SENP2: variants seen among roughly 807,000 people sequenced by gnomAD.
SENP2 encodes the protein SUMO specific peptidase 2.
SENP2 carries 16 observed loss-of-function variants against 86.3 expected under a neutral mutation model. The observed-to-expected ratio is 0.19, with a 90% CI of 0.13 to 0.28. SENP2 has a LOEUF of 0.28. Among genes scored for constraint, SENP2 ranks in the 10% least tolerant of loss-of-function variants. The pLI is 1.00. For missense variants in SENP2, 552 were observed against 703.0 expected (o/e 0.79, Z 2.43); for synonymous variants, 222 against 238.7 (o/e 0.93, Z 0.64).
intron 12 of SENP2, among the ~76,000 whole-genome samples, chr3:185,618,407 C>T (rs779494523): frequency 7.9e-5 from 12 of 152,290 alleles, no homozygotes; most frequent in Non-Finnish European, 1.6e-4. Context: ...CTGGTGGGTT[C>T]TTCCCCGAAC....
intron 5 of SENP2, 126 bp from the exon 6 acceptor site, chr3:185,606,204 C>T (rs1301048414): frequency 9.4e-6 from 7 of 744,034 alleles, no homozygotes; most frequent in Admixed American, 9.0e-5. Context: ...CATAATTGTA[C>T]TTGTCTGACT....
chr3:185,627,515 C>A (rs982153210), intron 16 of SENP2, among the ~76,000 whole-genome samples: 2 of 152,182 alleles, frequency 1.3e-5, no homozygotes, highest in Non-Finnish European at 2.9e-5. Flanking sequence ...TGGGTTCAAG[C>A]AATACTCCTG....
At chr3:185,623,650 C>T (rs981801279) in intron 14 of SENP2, among the ~76,000 whole-genome samples, 23 of 151,598 alleles carry the variant, frequency 1.5e-4, no homozygotes, top group Non-Finnish European at 3.4e-4. Flanking sequence ...CGGTGAAACC[C>T]CATCTCTACT....
chr3:185,621,736 T>G lies in SENP2; in HGVS notation c.1447-90T>G, dbSNP rs116646064. On this transcript the variant is annotated intron_variant, in intron 13 of 16. Coordinates refer to ENST00000296257, the MANE Select transcript of SENP2 (RefSeq NM_021627.3). ...TAAAAAATTTATATTGGTACATGTA[T>G]TTTTTAAAAGATGCTTTTATTTTTG... The G allele has an allele frequency of 1.3e-3, 1,004 of 764,052 alleles. 7 individuals are homozygous for G. The African/African-American group carries it at 0.015, about 12-fold the overall frequency. 47.3% of individuals were successfully genotyped at this position (764,052 alleles called of 1,614,324 possible).
Position 185,586,576 on chromosome 3 carries a change from C to T in SENP2, c.101+62C>T, listed in dbSNP as rs1010625080. The T allele has an allele frequency of 1.1e-5, 16 of 1,482,488 alleles. No individual in the cohort carries two copies. The highest frequency in any genetic ancestry group is 1.4e-5 in the Non-Finnish European group (15 of 1,072,082). The allele number at this position is 1,482,488 out of a possible 1,614,324, so 91.8% of individuals were successfully genotyped here. The stretch of plus-strand genomic sequence containing the variant: ...ACCCCCTCCCCCACAGCGGGCTCCT[C>T]GGCCGTGATAGCTTTGATTCAGCCA... On this transcript the variant is annotated intron_variant, in intron 1 of 16. Coordinates refer to ENST00000296257, the MANE Select transcript of SENP2 (RefSeq NM_021627.3). The surrounding 1 kb of genome is among the most constrained non-coding windows in gnomAD (Gnocchi z 4.3).
rs992903217 is a variant in SENP2, at chr3:185,630,224, G to A, written c.*380G>A. ...CACTCACTCGTTTGCAAACATAATG[G>A]GCAGTGGTCATTTACTGCTGCTCTT... is the stretch of plus-strand genomic sequence containing the variant. On this transcript the variant is annotated 3_prime_UTR_variant, in exon 17 of 17. Coordinates refer to ENST00000296257, the MANE Select transcript of SENP2 (RefSeq NM_021627.3). The A allele has an allele frequency of 2.2e-5, 4 of 180,448 alleles. No individual in the cohort carries two copies. The highest frequency in any genetic ancestry group is 3.6e-5 in the Non-Finnish European group (3 of 83,324). The allele number at this position is 180,448 out of a possible 1,614,324, so 11.2% of individuals were successfully genotyped here. A position where few individuals can be genotyped will look rare whatever the true frequency, so the allele number is the denominator to read the frequency against.
intron 16 of SENP2, among the ~76,000 whole-genome samples, chr3:185,628,150 A>ATTG (rs1712233206): frequency 6.6e-6 from 1 of 151,672 alleles, no homozygotes; most frequent in South Asian, 2.1e-4. Context: ...TATTATTATT[A>ATTG]TTTTGAGATG....
At chr3:185,614,836 C>A in intron 11 of SENP2, 96 bp downstream of exon 11, 2 of 1,179,118 alleles carry the variant, frequency 1.7e-6, no homozygotes, top group Non-Finnish European at 2.4e-6. Context: ...TTTCTCCAGG[C>A]TAGGGGTGAA....
At chr3:185,621,186 G>A (rs1445520594) in intron 13 of SENP2, among the ~76,000 whole-genome samples, 68 of 71,822 alleles carry the variant, frequency 9.5e-4, no homozygotes, top group East Asian at 2.0e-3. Context: ...AAGAGAGAGA[G>A]AAAGAAAGAA....
At chr3:185,596,717 T>A (rs1722185981) in intron 2 of SENP2, among the ~76,000 whole-genome samples, 1 of 152,196 alleles carries the variant, frequency 6.6e-6, no homozygotes, top group Non-Finnish European at 1.5e-5. Flanking sequence ...AGTATATTGT[T>A]ACCTGCCTGG....
chr3:185,587,986 G>A (rs1336986782), intron 1 of SENP2, among the ~76,000 whole-genome samples: 3 of 147,422 alleles, frequency 2.0e-5, no homozygotes, highest in African/African-American at 7.6e-5. Context: ...TGATCCACCC[G>A]CCTCAGCCTC....
At chr3:185,619,999 GTTGGTATTA>G (rs1711783927) in intron 13 of SENP2, among the ~76,000 whole-genome samples, 2 of 151,436 alleles carry the variant, frequency 1.3e-5, no homozygotes, top group Admixed American at 1.3e-4. Context: ...TTTTCAAAGT[GTTGGTATTA>G]CAGGTGTGAG....
chr3:185,600,798 C>T lies in SENP2; in HGVS notation c.392C>T (p.Pro131Leu). ...NKSPNGISDYPKIRVTVTRDQ... is the reference protein window; with the variant it reads ...NKSPNGISDYLKIRVTVTRDQ... ...TCTCCTAATGGAATAAGTGACTATC[C>T]AAAGATCAGAGTGACAGTTACCCGA... The change falls in exon 5 of 17, where the codon CCA becomes CTA. Residue 131 changes from proline (P) to leucine (L), a missense_variant. Pro to Leu is a moderately conservative substitution (Grantham distance 98). Around this residue, in one of 2 missense-constraint regions of SENP2, gnomAD observed 383 missense variants for 427.3 expected, o/e 0.90. Transcript: ENST00000296257. 6.2e-7 allele frequency: 1 copy of T among 1,610,728 alleles called. No homozygotes were observed. The highest frequency in any genetic ancestry group is 1.1e-5 in the South Asian group (1 of 90,954).
chr3:185,606,855 CACAG>C, intron 6 of SENP2: 1 of 477,844 alleles, frequency 2.1e-6, no homozygotes, highest in Non-Finnish European at 4.1e-6. Context: ...AAGGCACAGA[CACAG>C]AGTCAGACAG....
intron 14 of SENP2, among the ~76,000 whole-genome samples, chr3:185,622,525 CAAT>C: frequency 6.6e-6 from 1 of 152,032 alleles, no homozygotes; most frequent in East Asian, 1.9e-4. Flanking sequence ...TTGTTGCTAA[CAAT>C]AATATTGTTT....
intron 2 of SENP2, among the ~76,000 whole-genome samples, chr3:185,593,054 C>A (rs974816018): frequency 3.9e-5 from 6 of 152,170 alleles, no homozygotes; most frequent in Non-Finnish European, 4.4e-5. Context: ...ATTTTCAGCT[C>A]ATCGAGTCTC....
rs970970916 is a variant in SENP2 at position 185,632,118 on chromosome 3, T to C, written c.*2274T>C. 6.6e-6 allele frequency: 1 copy of C among 151,362 alleles called. No individual in the cohort carries two copies. The highest frequency in any genetic ancestry group is 2.1e-4 in the South Asian group (1 of 4,802). The allele number at this position is 151,362 out of a possible 1,614,324, so 9.4% of individuals were successfully genotyped here. On this transcript the variant is annotated 3_prime_UTR_variant, in exon 17 of 17. Coordinates refer to ENST00000296257, the MANE Select transcript of SENP2 (RefSeq NM_021627.3). ...CATGTTAGTAATATAGTTTTTTAGA[T>C]CCAAACAGTTTATTTGGATCTAAAA...
At chr3:185,619,710 T>C in intron 13 of SENP2, among the ~76,000 whole-genome samples, 1 of 151,646 alleles carries the variant, frequency 6.6e-6, no homozygotes, top group East Asian at 1.9e-4. Context: ...TTTAAAAAAT[T>C]TTATGTTTAT....
intron 16 of SENP2, 81 bp downstream of exon 16, chr3:185,626,474 T>A (rs1412608947): frequency 2.1e-6 from 2 of 937,662 alleles, no homozygotes; most frequent in African/African-American, 3.3e-5. Context: ...CACATTCAGC[T>A]CTCAATAGTA....
Sources: gnomAD v4.1 joint callset for allele counts (sites outside exome capture counted in the v4.1 genomes callset) on GRCh38, gnomAD v4.1.1 for gene constraint, gnomAD v4.1.1 regional missense constraint, Gnocchi (gnomAD v3.1) non-coding constraint, MANE v1.5 for transcripts, NCBI Gene and HGNC (gene_info 2026-07-23, HGNC 2026-07-21) for gene names.